SGK1: variants seen among roughly 807,000 people sequenced by gnomAD.
SGK1 encodes serum/glucocorticoid regulated kinase 1, also known as serine/threonine-protein kinase Sgk1.
In SGK1, 26 loss-of-function variants were observed where a neutral mutation model predicts 64.2. The ratio of observed to expected loss-of-function variants is 0.40; its 90% confidence interval spans 0.30 to 0.56. SGK1 has a LOEUF of 0.56. Among genes scored for constraint, SGK1 ranks in the 20% least tolerant of loss-of-function variants. The pLI, the probability that SGK1 is intolerant of heterozygous loss-of-function variation, is 0.38. For missense variants in SGK1, 519 were observed against 645.6 expected (o/e 0.80, Z 2.12); for synonymous variants, 265 against 239.7 (o/e 1.11, Z -0.98).
chr6:134,171,806 G>GA (rs1775036122), intron 10 of SGK1, 74 bp from the exon 11 acceptor site: 5 of 983,516 alleles, frequency 5.1e-6, no homozygotes, highest in Non-Finnish European at 7.8e-6. Context: ...CATTTAGTTT[G>GA]AAAAAGCTGA....
At chr6:134,300,407 G>A (rs961684461) in intron 1 of SGK1, among the ~76,000 whole-genome samples, 7 of 151,266 alleles carry the variant, frequency 4.6e-5, no homozygotes, top group Non-Finnish European at 8.8e-5. Context: ...GGCGTGTGGC[G>A]GGCGCCTGTA....
chr6:134,207,470 G>A (rs183382412), intron 2 of SGK1, 39 bp from the exon 3 acceptor site: 1 of 1,413,382 alleles, frequency 7.1e-7, no homozygotes, highest in Non-Finnish European at 1.0e-6. Flanking sequence ...TATAAAAATG[G>A]CTTCATCATT....
chr6:134,247,340 G>T (rs1776539741), intron 2 of SGK1, among the ~76,000 whole-genome samples: 2 of 152,186 alleles, frequency 1.3e-5, no homozygotes, highest in Non-Finnish European at 1.5e-5. Flanking sequence ...TGAGGTTAGA[G>T]TAGCAGGCTG....
intron 2 of SGK1, chr6:134,215,130 C>CTT (rs780554551): frequency 0.081 from 26,606 of 327,786 alleles, 1,031 homozygotes; most frequent in African/African-American, 0.13. Flanking sequence ...TTCTTTCTTT[C>CTT]TTTCTTTTTT....
chr6:134,224,802 C>T lies in SGK1; in HGVS notation c.286-17371G>A, dbSNP rs143274876. Among the ~76,000 whole-genome samples the T allele has an allele frequency of 8.9e-3, 1,351 of 151,902 alleles. 24 individuals carry two copies. Among genetic ancestry groups the T allele is most frequent in the African/African-American group, 0.03 (1,256 of 41,442 alleles). The stretch of plus-strand genomic sequence containing the variant: ...CTTTGGCAGGTCGAGGCAGGTGGAT[C>T]ACCAGGTCAGGAGATCGAGACTATC... On this transcript the variant is annotated intron_variant, in intron 2 of 13. Transcript: ENST00000367858.
At chr6:134,284,233 C>T (rs551794042) in intron 1 of SGK1, among the ~76,000 whole-genome samples, 1 of 152,264 alleles carries the variant, frequency 6.6e-6, no homozygotes, top group South Asian at 2.1e-4. Context: ...GCTGGGACTA[C>T]AGGTGCACAC....
chr6:134,256,551 C>T (rs895610718), intron 2 of SGK1, among the ~76,000 whole-genome samples: 3 of 152,066 alleles, frequency 2.0e-5, no homozygotes, highest in East Asian at 3.8e-4. Flanking sequence ...CTAAAGGTGC[C>T]GTGGGAGATA....
chr6:134,206,338 GATATATATATATATATAT>G (rs71003676), intron 3 of SGK1, among the ~76,000 whole-genome samples: 979 of 32,274 alleles, frequency 0.03, 17 homozygotes, highest in African/African-American at 0.062. Flanking sequence ...TGTACCTGAT[GATATATATATATATATAT>G]ATATATATAT....
At chr6:134,315,016 T>C (rs935893854) in intron 1 of SGK1, among the ~76,000 whole-genome samples, 1 of 152,100 alleles carries the variant, frequency 6.6e-6, no homozygotes, top group African/African-American at 2.4e-5. Flanking sequence ...TAAACATCAG[T>C]ATGGTAACAG....
chr6:134,204,955 TTC>T (rs1206781770), intron 3 of SGK1, among the ~76,000 whole-genome samples: 4 of 141,862 alleles, frequency 2.8e-5, no homozygotes, highest in Non-Finnish European at 6.1e-5. Flanking sequence ...CTCCCTCCTT[TTC>T]TTTCTTTCTT....
intron 3 of SGK1, among the ~76,000 whole-genome samples, chr6:134,196,523 T>C (rs1775596819): frequency 6.6e-6 from 1 of 152,074 alleles, no homozygotes; most frequent in South Asian, 2.1e-4. Flanking sequence ...GTCACACAGG[T>C]AGTAAGCATT....
At chr6:134,223,623 C>G (rs1402843021) in intron 2 of SGK1, among the ~76,000 whole-genome samples, 2 of 152,170 alleles carry the variant, frequency 1.3e-5, no homozygotes, top group African/African-American at 2.4e-5. Flanking sequence ...CTTTCCTATA[C>G]AGGAACTAAG....
chr6:134,289,675 C>T (rs1777234649), intron 1 of SGK1, among the ~76,000 whole-genome samples: 1 of 151,966 alleles, frequency 6.6e-6, no homozygotes, highest in African/African-American at 2.4e-5. Flanking sequence ...TTCAGACTAG[C>T]CACAATTCAG....
chr6:134,234,318 G>T (rs759724156), intron 2 of SGK1, among the ~76,000 whole-genome samples: 1 of 152,096 alleles, frequency 6.6e-6, no homozygotes, highest in Non-Finnish European at 1.5e-5. Context: ...CAGGAGAATC[G>T]CTTGAACCCC....
intron 1 of SGK1, among the ~76,000 whole-genome samples, chr6:134,276,034 T>C (rs1007649021): frequency 6.6e-6 from 1 of 152,200 alleles, no homozygotes; most frequent in Admixed American, 6.6e-5. Flanking sequence ...TAGTGGGACA[T>C]TTATAATTTC....
At chr6:134,193,630 T>G (rs1466751318) in intron 3 of SGK1, among the ~76,000 whole-genome samples, 1 of 150,942 alleles carries the variant, frequency 6.6e-6, no homozygotes, top group African/African-American at 2.4e-5. Flanking sequence ...TCCTGCACAC[T>G]GAAGTTGCTG....
chr6:134,287,900 G>T (rs1403045921), intron 1 of SGK1, among the ~76,000 whole-genome samples: 1 of 152,160 alleles, frequency 6.6e-6, no homozygotes, highest in Admixed American at 6.6e-5. Flanking sequence ...GCTTTGTGAA[G>T]TTACTTTGTT....
Position 134,192,731 on chromosome 6 carries a change from G to A in SGK1, c.361+14625C>T, listed in dbSNP as rs1416123238. On this transcript the variant is annotated intron_variant, in intron 3 of 13. Transcript: ENST00000367858. ...ATTACAGGCATGCACCACCATGCCT[G>A]GCTAATTTTTGTACTGTTGTATTTT... is the stretch of plus-strand genomic sequence containing the variant. Among the ~76,000 whole-genome samples the A allele has an allele frequency of 3.9e-5, 6 of 151,966 alleles. No individual in the cohort carries two copies. In the East Asian group the frequency reaches 1.2e-3, roughly 30 times the overall value.
At chr6:134,192,628 G>A (rs1224495385) in intron 3 of SGK1, among the ~76,000 whole-genome samples, 1 of 146,992 alleles carries the variant, frequency 6.8e-6, no homozygotes, top group South Asian at 2.1e-4. Context: ...TGAGTGCAGT[G>A]GCACGATCTT....
Sources: allele counts gnomAD v4.1 joint callset (sites outside exome capture counted in the v4.1 genomes callset), GRCh38; gene constraint gnomAD v4.1.1; transcripts MANE v1.5; gene names NCBI Gene and HGNC (gene_info 2026-07-23, HGNC 2026-07-21).